DHX36: variants seen among roughly 807,000 people sequenced by gnomAD.
The protein encoded by DHX36 is DEAH-box helicase 36.
In DHX36, 50 loss-of-function variants were observed where a neutral mutation model predicts 139.0. That is an observed-to-expected ratio of 0.36 (90% confidence interval 0.29 to 0.46). The LOEUF (loss-of-function observed/expected upper bound fraction) is 0.46. Ranked by LOEUF, DHX36 falls within the 20% of genes least tolerant of loss-of-function variation. The pLI is 1.00. For synonymous variants in DHX36, 425 were observed against 401.9 expected (o/e 1.06, Z -0.69); for missense variants, 1,024 against 1,211.3 (o/e 0.85, Z 2.29).
chr3:154,292,493 T>G, intron 15 of DHX36, 58 bp downstream of exon 15: 2 of 1,596,362 alleles, frequency 1.3e-6, no homozygotes, highest in Non-Finnish European at 1.7e-6. Flanking sequence ...CAACATCACA[T>G]TTTGTTACAC....
chr3:154,312,873 ATATATATATATATATATATATATATAT>A (rs1712821450), intron 3 of DHX36, among the ~76,000 whole-genome samples: 9 of 107,796 alleles, frequency 8.3e-5, no homozygotes, highest in Admixed American at 5.9e-4. Context: ...ATATATATAT[ATATATATATATATATATATATATATAT>A]AAAATAAATA....
intron 1 of DHX36, among the ~76,000 whole-genome samples, chr3:154,318,892 A>AT (rs1383630243): frequency 2.3e-4 from 35 of 152,326 alleles, no homozygotes; most frequent in Admixed American, 5.2e-4. Flanking sequence ...GCCAGATATA[A>AT]TTCTGGTACA....
rs752946103 is a variant in DHX36, at chr3:154,315,168, A to T, written c.481T>A (p.Ser161Thr). The T allele has an allele frequency of 1.9e-6, 3 of 1,613,388 alleles. No individual in the cohort carries two copies. Among genetic ancestry groups the T allele is most frequent in the Non-Finnish European group, 2.5e-6 (3 of 1,179,582 alleles). ...TACTCAGAATCTCGGTCAATATATGATCTGTTCCTGATTCTAAACATTTTT... is the reference window on the plus strand; with the variant it reads ...TACTCAGAATCTCGGTCAATATATGTTCTGTTCCTGATTCTAAACATTTTT... The part of the protein sequence containing the change: ...EKKMFRIRNR[S>T]YIDRDSEYLL... Residue 161 changes from serine (S) to threonine (T), a missense_variant, in exon 3 of 25, where the codon TCA (serine) becomes ACA (threonine). Ser to Thr is a moderately conservative substitution (Grantham distance 58, BLOSUM62 1). This residue lies in a region of DHX36 where 293 missense variants were observed against 274.4 expected (regional missense o/e 1.07). Coordinates refer to ENST00000496811, the MANE Select transcript of DHX36 (RefSeq NM_020865.3).
chr3:154,280,914 C>G (rs375116031), intron 20 of DHX36, 52 bp from the exon 21 acceptor site: 1 of 1,349,562 alleles, frequency 7.4e-7, no homozygotes, highest in East Asian at 2.3e-5. Flanking sequence ...CACATTGAGG[C>G]TATAAACCAT....
At chr3:154,319,329 T>C (rs1178147760) in intron 1 of DHX36, 2 of 152,196 alleles carry the variant, frequency 1.3e-5, no homozygotes, top group Non-Finnish European at 2.9e-5. Flanking sequence ...CCATCAAATT[T>C]ATGTTATCAG....
Position 154,274,255 on chromosome 3 carries a change from C to T in DHX36, c.*1916G>A, listed in dbSNP as rs546830740. Reference sequence around the variant, plus strand: ...CCCAGGAAGTCGAGGCTGCAGTGAACCAAGATCACACCACTGCACTCCAGC... The same window carrying T: ...CCCAGGAAGTCGAGGCTGCAGTGAATCAAGATCACACCACTGCACTCCAGC... On this transcript the variant is annotated 3_prime_UTR_variant, in exon 25 of 25. Transcript: ENST00000496811. 6.4e-6 allele frequency: 1 copy of T among 156,068 alleles called. No homozygotes were observed. Among genetic ancestry groups the T allele is most frequent in the Non-Finnish European group, 1.4e-5 (1 of 70,730 alleles). 9.7% of individuals were successfully genotyped at this position (156,068 alleles called of 1,614,324 possible).
At chr3:154,291,310 G>A (rs1378112586) in intron 15 of DHX36, among the ~76,000 whole-genome samples, 46 of 152,120 alleles carry the variant, frequency 3.0e-4, no homozygotes, top group Admixed American at 3.0e-3. Context: ...CTACCGCACA[G>A]GAGTGAGGAC....
At chr3:154,281,001 G>C (rs1000982284) in intron 20 of DHX36, 139 bp from the exon 21 acceptor site, 1 of 641,958 alleles carries the variant, frequency 1.6e-6, no homozygotes, top group Non-Finnish European at 2.6e-6. Context: ...TAAAGCAAGG[G>C]TTGGCAAACT....
At chr3:154,311,048 G>C (rs1288419275) in intron 4 of DHX36, among the ~76,000 whole-genome samples, 2 of 151,118 alleles carry the variant, frequency 1.3e-5, no homozygotes, top group East Asian at 2.0e-4. Context: ...TGAGTCAAGA[G>C]ACACAGAGTG....
In DHX36 at chr3:154,295,321, G is replaced by T; in HGVS notation, c.1568C>A (p.Pro523His). 6.6e-7 allele frequency: 1 copy of T among 1,525,958 alleles called. No individual in the cohort carries two copies. Among genetic ancestry groups the T allele is most frequent in the South Asian group, 1.3e-5 (1 of 79,952 alleles). 94.5% of individuals were successfully genotyped at this position (1,525,958 alleles called of 1,614,324 possible). A position where few individuals can be genotyped will look rare whatever the true frequency, so the allele number is the denominator to read the frequency against. The change falls in exon 13 of 25, where the codon CCT (proline) becomes CAT (histidine). Residue 523 changes from proline (P) to histidine (H), a missense_variant. Transcript: ENST00000496811. ...AACTGTAGGCATCAGTGAATGTAAA[G>T]GTATAATTAAAAATTTATCTGAAAA... ...MFKSDKFLII[P>H]LHSLMPTVNQ...
chr3:154,307,220 A>G (rs1019761676), intron 5 of DHX36, among the ~76,000 whole-genome samples: 1 of 152,146 alleles, frequency 6.6e-6, no homozygotes, highest in Non-Finnish European at 1.5e-5. Flanking sequence ...TAGGCAAAGA[A>G]TTTATGACTA....
At chr3:154,305,273 GA>G in intron 6 of DHX36, 105 bp from the exon 7 acceptor site, 1 of 990,234 alleles carries the variant, frequency 1.0e-6, no homozygotes, top group Non-Finnish European at 1.5e-6. Flanking sequence ...CAGTTTTAAT[GA>G]AAATCTTCAC....
intron 15 of DHX36, among the ~76,000 whole-genome samples, chr3:154,290,767 CAT>C (rs1473405875): frequency 6.6e-6 from 1 of 151,864 alleles, no homozygotes; most frequent in Non-Finnish European, 1.5e-5. Context: ...TTATTTTTTC[CAT>C]GAGTCTACAT....
chr3:154,322,250 G>A (rs1356061822), intron 1 of DHX36, among the ~76,000 whole-genome samples: 1 of 152,214 alleles, frequency 6.6e-6, no homozygotes, highest in Non-Finnish European at 1.5e-5. Context: ...AAGATTTCCA[G>A]AGAACATGTC....
At chr3:154,295,370 T>A (rs1324852405) in intron 12 of DHX36, 31 bp from the exon 13 acceptor site, 1 of 1,254,378 alleles carries the variant, frequency 8.0e-7, no homozygotes, top group African/African-American at 1.5e-5. Context: ...AATTTTAAGA[T>A]AAAGAGTTGC....
intron 6 of DHX36, 59 bp downstream of exon 6, chr3:154,306,157 T>A (rs1046708768): frequency 1.1e-5 from 14 of 1,221,494 alleles, no homozygotes; most frequent in African/African-American, 6.0e-5. Context: ...TTCTTTTGAA[T>A]CTCCAGCTTC....
intron 16 of DHX36, 68 bp from the exon 17 acceptor site, chr3:154,289,032 T>C (rs1711674099): frequency 4.3e-6 from 3 of 703,126 alleles, no homozygotes; most frequent in Non-Finnish European, 4.3e-6. Context: ...AACTTAGTCC[T>C]ACCTGGGCTG....
chr3:154,296,556 C>T (rs1373413632), intron 12 of DHX36, among the ~76,000 whole-genome samples: 2 of 152,126 alleles, frequency 1.3e-5, no homozygotes, highest in Admixed American at 1.3e-4. Context: ...ATAAGAAATT[C>T]CTACTTTTTA....
At chr3:154,309,222 T>C (rs147177580) in intron 5 of DHX36, among the ~76,000 whole-genome samples, 1 of 150,278 alleles carries the variant, frequency 6.7e-6, no homozygotes, top group Admixed American at 6.6e-5. Context: ...ACTACAGAAA[T>C]GCAGCTTAAA....
Sources: gnomAD v4.1 joint callset for allele counts (sites outside exome capture counted in the v4.1 genomes callset) on GRCh38, gnomAD v4.1.1 for gene constraint, gnomAD v4.1.1 regional missense constraint, MANE v1.5 for transcripts, NCBI Gene and HGNC (gene_info 2026-07-23, HGNC 2026-07-21) for gene names.